The following TOX2 variants were observed in gnomAD, a reference collection of about 807,000 sequenced individuals.
TOX2 encodes TOX high mobility group box family member 2, also known as granulosa cell HMG box 1.
In TOX2, 15 loss-of-function variants were observed where a neutral mutation model predicts 47.4. The ratio of observed to expected loss-of-function variants is 0.32; its 90% CI spans 0.21 to 0.49. The LOEUF (loss-of-function observed/expected upper bound fraction) is 0.49, where lower values mean the gene tolerates loss of function less well. TOX2 is among the 20% of genes least tolerant of loss of function. The pLI, the probability that TOX2 is intolerant of heterozygous loss-of-function variation, is 0.99. For synonymous variants in TOX2, 290 were observed against 296.6 expected, an observed-to-expected ratio of 0.98 and a Z score of 0.23; for missense variants, 622 against 673.1, an observed-to-expected ratio of 0.92 and a Z score of 0.84.
chr20:44,003,447 C>A (rs2070622189), intron 2 of TOX2, among the ~76,000 whole-genome samples: 1 of 152,116 alleles, frequency 6.6e-6, no homozygotes, highest in Admixed American at 6.5e-5. Flanking sequence ...TCTTGGCCTC[C>A]CAAAGTGCTG....
chr20:43,981,247 T>G (rs192686073), intron 2 of TOX2, among the ~76,000 whole-genome samples: 1 of 152,190 alleles, frequency 6.6e-6, no homozygotes, highest in Non-Finnish European at 1.5e-5. Context: ...TCTATCAAAA[T>G]TGCAAATACA....
intron 5 of TOX2, among the ~76,000 whole-genome samples, chr20:44,056,688 CTTTTACTTAA>C (rs2071624397): frequency 6.6e-6 from 1 of 152,002 alleles, no homozygotes; most frequent in Admixed American, 6.6e-5. Context: ...TTAATGCGTT[CTTTTACTTAA>C]TGCGTTATAA....
intron 1 of TOX2, among the ~76,000 whole-genome samples, chr20:43,951,707 G>GTGTTTTT (rs2069570989): frequency 5.4e-5 from 3 of 55,092 alleles, no homozygotes; most frequent in African/African-American, 1.1e-4. Flanking sequence ...AACTTATTAT[G>GTGTTTTT]TTTTTTTTTT....
Position 43,955,794 on chromosome 20 carries a change from G to A in TOX2, c.100-17573G>A, listed in dbSNP as rs142841610. ...CTGCCACGCTGTTTTACTTATTATT[G>A]TGTTAGCCAGTGTTTCTTCCCTGCC... On this transcript the variant is annotated intron_variant, in intron 1 of 8. Coordinates refer to ENST00000341197, the MANE Select transcript of TOX2 (RefSeq NM_001098797.2). 3.4e-4 allele frequency among the ~76,000 whole-genome samples: 52 copies of A among 152,182 alleles called. No homozygotes were observed. In the East Asian group the frequency reaches 9.7e-3, roughly 28 times the overall value.
chr20:44,056,135 AG>A (rs2071611669), intron 5 of TOX2, among the ~76,000 whole-genome samples: 1 of 152,168 alleles, frequency 6.6e-6, no homozygotes. Flanking sequence ...CTGAGGGGCA[AG>A]GGTGCTGGGG....
chr20:44,061,178 C>A (rs528178226), intron 5 of TOX2, among the ~76,000 whole-genome samples: 13 of 151,936 alleles, frequency 8.6e-5, no homozygotes, highest in Non-Finnish European at 1.9e-4. Flanking sequence ...TGGAAATATA[C>A]AACCCTCCTA....
intron 2 of TOX2, among the ~76,000 whole-genome samples, chr20:43,978,763 TTGTGTGTGTGTGTG>T (rs9305120): frequency 3.3e-4 from 48 of 146,602 alleles, no homozygotes; most frequent in African/African-American, 1.1e-3. Context: ...TTGAAAGAAC[TTGTGTGTGTGTGTG>T]TGTGTGTGTG....
intron 1 of TOX2, among the ~76,000 whole-genome samples, chr20:43,966,230 G>A (rs140382625): frequency 6.6e-6 from 1 of 152,338 alleles, no homozygotes; most frequent in Admixed American, 6.5e-5. Context: ...CCAGTCGTCA[G>A]ATCAATGCTG....
intron 2 of TOX2, among the ~76,000 whole-genome samples, chr20:43,996,193 A>G (rs2070475655): frequency 6.6e-6 from 1 of 152,124 alleles, no homozygotes; most frequent in Admixed American, 6.5e-5. Flanking sequence ...TGGCTTTTTC[A>G]TAATAGCTAT....
chr20:43,981,064 A>C (rs1352550584), intron 2 of TOX2, among the ~76,000 whole-genome samples: 1 of 152,210 alleles, frequency 6.6e-6, no homozygotes, highest in African/African-American at 2.4e-5. Flanking sequence ...AAAGAAATAC[A>C]AGTGGCTCTT....
At chr20:44,053,631 T>C (rs1569139677) in intron 4 of TOX2, among the ~76,000 whole-genome samples, 1 of 149,358 alleles carries the variant, frequency 6.7e-6, no homozygotes, top group African/African-American at 2.5e-5. Flanking sequence ...CACACACACG[T>C]ATATACACAT....
intron 2 of TOX2, among the ~76,000 whole-genome samples, chr20:43,996,783 T>G (rs1021361113): frequency 6.8e-6 from 1 of 147,040 alleles, no homozygotes; most frequent in African/African-American, 2.7e-5. Flanking sequence ...GCAGTTTGGA[T>G]AAATTGCCAG....
In TOX2 at chr20:44,065,963, G is replaced by C; in HGVS notation, c.1212G>C (p.Gln404His). 4 of 1,613,342 alleles carry C rather than the reference G, an allele frequency of 2.5e-6. No individual in the cohort carries two copies. The highest frequency in any genetic ancestry group is 2.5e-6 in the Non-Finnish European group (3 of 1,179,852). ...PSFPLSPTLH[Q>H]QLSLPPHAQG... Reference sequence around the variant, plus strand: ...TCCCGCTCAGCCCCACACTGCACCAGCAGCTGTCACTGCCCCCTCACGCCC... The same window carrying C: ...TCCCGCTCAGCCCCACACTGCACCACCAGCTGTCACTGCCCCCTCACGCCC... Residue 404 changes from glutamine (Q) to histidine (H), a missense_variant, in exon 7 of 9, where the codon CAG becomes CAC. By Grantham distance (24) the Gln-to-His change is conservative. Transcript: ENST00000341197.
chr20:44,055,070 C>A (rs983238927), intron 5 of TOX2, among the ~76,000 whole-genome samples: 1 of 152,174 alleles, frequency 6.6e-6, no homozygotes, highest in East Asian at 1.9e-4. Context: ...GGCTTTCCCC[C>A]CGGTATGTCA....
intron 2 of TOX2, among the ~76,000 whole-genome samples, chr20:44,005,911 T>C (rs2070671411): frequency 6.6e-6 from 1 of 151,842 alleles, no homozygotes; most frequent in South Asian, 2.1e-4. Flanking sequence ...AGCGTTGTCC[T>C]GGAGGTTCCT....
intron 3 of TOX2, chr20:44,039,270 G>A (rs2071294368): frequency 1.6e-6 from 2 of 1,289,462 alleles, no homozygotes; most frequent in Non-Finnish European, 2.0e-6. Context: ...CAGGTGTCCA[G>A]TCTAGAGAGA....
chr20:43,914,999 G>A lies in TOX2; in HGVS notation c.99+9G>A, dbSNP rs768506291. The stretch of plus-strand genomic sequence containing the variant: ...ATTACCACGGCGGCAAGGTAGGCGG[G>A]GGCGGGCGGGGGTCCCCGGCGGGCG... On this transcript the variant is annotated intron_variant, in intron 1 of 8. Transcript: ENST00000341197. The surrounding 1 kb of genome is among the most constrained non-coding windows in gnomAD (Gnocchi z 4.5). 10 of 1,240,066 alleles carry A rather than the reference G, an allele frequency of 8.1e-6. No individual in the cohort carries two copies. In the South Asian group the frequency reaches 2.8e-4, roughly 34 times the overall value. The allele number at this position is 1,240,066 out of a possible 1,614,324, so 76.8% of individuals were successfully genotyped here.
intron 3 of TOX2, among the ~76,000 whole-genome samples, chr20:44,013,673 G>A (rs2070821642): frequency 6.6e-6 from 1 of 152,204 alleles, no homozygotes; most frequent in African/African-American, 2.4e-5. Context: ...CAGCGAGGTA[G>A]TTGTTTTGAT....
rs543400567 is a variant in TOX2, at chr20:43,993,606, C to T, written c.166-12941C>T. 3.9e-5 allele frequency among the ~76,000 whole-genome samples: 6 copies of T among 152,238 alleles called. No individual in the cohort carries two copies. In the East Asian group the frequency reaches 1.2e-3, roughly 29 times the overall value. Reference sequence around the variant, plus strand: ...TGGACGTGTCAAAGAAATCATGGCCCTTGGACCAAATCTGACCCTCCACCT... The same window carrying T: ...TGGACGTGTCAAAGAAATCATGGCCTTTGGACCAAATCTGACCCTCCACCT... On this transcript the variant is annotated intron_variant, in intron 2 of 8. Transcript: ENST00000341197.
Sources: allele counts gnomAD v4.1 joint callset (sites outside exome capture counted in the v4.1 genomes callset), GRCh38; gene constraint gnomAD v4.1.1; non-coding constraint Gnocchi (gnomAD v3.1); transcripts MANE v1.5; gene names NCBI Gene and HGNC (gene_info 2026-07-23, HGNC 2026-07-21).